PCDHA4: variants seen among roughly 807,000 people sequenced by gnomAD.
PCDHA4 encodes protocadherin alpha-4.
A neutral mutation model predicts 61.4 loss-of-function variants in PCDHA4; 49 were observed. That is an observed-to-expected ratio of 0.80 (90% CI 0.63 to 1.01). The LOEUF (loss-of-function observed/expected upper bound fraction) is 1.01, where lower values mean the gene tolerates loss of function less well. PCDHA4 is among the 50% of genes least tolerant of loss of function. The pLI is 0.00. For missense variants in PCDHA4, 1,254 were observed against 1,235.8 expected, an observed-to-expected ratio of 1.01 and a Z score of -0.22; for synonymous variants, 590 against 550.3, an observed-to-expected ratio of 1.07 and a Z score of -1.01.
At chr5:140,881,719 C>A (rs914788204) in intron 1 of PCDHA4, among the ~76,000 whole-genome samples, 3 of 152,104 alleles carry the variant, frequency 2.0e-5, no homozygotes, top group African/African-American at 7.2e-5. Context: ...GTGAGGAGGT[C>A]TTGAAAAATA....
chr5:140,857,555 C>G, intron 1 of PCDHA4: 1 of 1,597,062 alleles, frequency 6.3e-7, no homozygotes, highest in East Asian at 2.2e-5. Flanking sequence ...CGAGCGCTCG[C>G]TGTCGAGCTA....
chr5:140,869,106 G>A (rs1300691956), intron 1 of PCDHA4: 1 of 1,602,672 alleles, frequency 6.2e-7, no homozygotes, highest in Non-Finnish European at 8.5e-7. Flanking sequence ...CGTATGCGAT[G>A]TTTGGTTTTC....
chr5:140,834,367 C>T (rs2150215817), intron 1 of PCDHA4: 2 of 1,554,312 alleles, frequency 1.3e-6, no homozygotes, highest in Admixed American at 2.0e-5. Flanking sequence ...ACTAGAAAAA[C>T]AAGCCAATAA....
rs782750036 is a variant in PCDHA4, at chr5:140,809,552, A to G, written c.2365A>G (p.Thr789Ala). The G allele has an allele frequency of 1.4e-5, 22 of 1,611,538 alleles. No homozygotes were observed. In the South Asian group the frequency reaches 2.3e-4, roughly 17 times the overall value. The stretch of plus-strand genomic sequence containing the variant: ...GGACAGAGAAGATCAGCTGCAGACA[A>G]CTGAGGAATCCTTTGCAAAGGTTAG... ...SRDREDQLQTTEESFAKPRQP... is the reference protein window; with the variant it reads ...SRDREDQLQTAEESFAKPRQP... Residue 789 changes from threonine (T) to alanine (A), a missense_variant, in exon 1 of 4, where the codon ACT (threonine) becomes GCT (alanine). Coordinates refer to ENST00000530339, the MANE Select transcript of PCDHA4 (RefSeq NM_018907.4).
At chr5:140,846,369 C>CTTTTTTTTTTTTTTTTTT (rs797033964) in intron 1 of PCDHA4, among the ~76,000 whole-genome samples, 2 of 102,192 alleles carry the variant, frequency 2.0e-5, no homozygotes, top group South Asian at 3.3e-4. Flanking sequence ...TCTTTTCTTT[C>CTTTTTTTTTTTTTTTTTT]TTTCTTTTTT....
chr5:140,873,518 A>G (rs2054336624), intron 1 of PCDHA4, among the ~76,000 whole-genome samples: 1 of 152,200 alleles, frequency 6.6e-6, no homozygotes, highest in Non-Finnish European at 1.5e-5. Context: ...CTTAATGCCA[A>G]GATTGCATTC....
chr5:140,877,306 C>G (rs1554169576), intron 1 of PCDHA4: 1 of 1,613,826 alleles, frequency 6.2e-7, no homozygotes, highest in African/African-American at 1.3e-5. Context: ...CTACGAGTTG[C>G]AACCGGCGGC....
chr5:140,834,588 A>G (rs2150222080), intron 1 of PCDHA4: 1 of 1,614,122 alleles, frequency 6.2e-7, no homozygotes, highest in Non-Finnish European at 8.5e-7. Flanking sequence ...GGCGGTGTGC[A>G]AATTCCGTGG....
intron 1 of PCDHA4, among the ~76,000 whole-genome samples, chr5:140,921,611 A>C (rs781805165): frequency 6.6e-6 from 1 of 152,224 alleles, no homozygotes; most frequent in Non-Finnish European, 1.5e-5. Context: ...AATAAGAAAA[A>C]TATCATCAGA....
chr5:140,852,883 G>GT, intron 1 of PCDHA4: 1 of 933,168 alleles, frequency 1.1e-6, no homozygotes, highest in Non-Finnish European at 1.3e-6. Context: ...ATCATAAAAC[G>GT]TATTTTTTTT....
rs781965106 is a variant in PCDHA4 at position 140,882,419 on chromosome 5, G to A, written c.2385+72847G>A. 8.7e-6 allele frequency: 14 copies of A among 1,613,992 alleles called. No homozygotes were observed. The African/African-American group carries it at 1.5e-4, about 17-fold the overall frequency. ...CACCTTCGTGGGCCGCATCGCTCAG[G>A]ACCTGGGGCTGGAGCTGGCGGAGCT... On this transcript the variant is annotated intron_variant, in intron 1 of 3. Transcript: ENST00000530339.
chr5:140,988,558 T>C lies in PCDHA4; in HGVS notation c.2533+5995T>C, dbSNP rs982984587. ...CCATTCATGACTTTCTTCATCTTCT[T>C]CTTGGGAAAACACTCTGTACCTTCC... On this transcript the variant is annotated intron_variant, in intron 3 of 3. Transcript: ENST00000530339. 3.9e-5 allele frequency among the ~76,000 whole-genome samples: 6 copies of C among 152,198 alleles called. 1 individual carries two copies. Among genetic ancestry groups the C allele is most frequent in the Admixed American group, 3.9e-4 (6 of 15,276 alleles).
At chr5:140,877,708 G>A in intron 1 of PCDHA4, 12 of 1,614,072 alleles carry the variant, frequency 7.4e-6, no homozygotes, top group Non-Finnish European at 1.0e-5. Flanking sequence ...CAGCGCCGTG[G>A]GGAGTTGGTC....
chr5:140,965,700 C>CT (rs1554227802), intron 1 of PCDHA4, among the ~76,000 whole-genome samples: 1 of 152,162 alleles, frequency 6.6e-6, no homozygotes, highest in East Asian at 1.9e-4. Flanking sequence ...TTAGAAAAAG[C>CT]TTGAGAGAAG....
At chr5:140,967,560 A>C (rs2096156699) in intron 1 of PCDHA4, 2 of 1,613,966 alleles carry the variant, frequency 1.2e-6, no homozygotes, top group Non-Finnish European at 1.7e-6. Context: ...TATCGCGTCC[A>C]GCTACGGGAG....
rs1422788962 is a variant in PCDHA4, at chr5:140,847,584, A to G, written c.2385+38012A>G. ...GCCCCGAGTACTAAGGATGAGCAAT[A>G]ATGAAATTAAAACATATTGTAATAA... On this transcript the variant is annotated intron_variant, in intron 1 of 3. Coordinates refer to ENST00000530339, the MANE Select transcript of PCDHA4 (RefSeq NM_018907.4). The G allele has an allele frequency of 1.1e-4, 16 of 149,668 alleles. No homozygotes were observed. In the Admixed American group the frequency reaches 1.1e-3, roughly 10 times the overall value. 9.3% of individuals were successfully genotyped at this position (149,668 alleles called of 1,614,324 possible).
chr5:140,827,993 G>A (rs1554130961), intron 1 of PCDHA4: 2 of 1,474,758 alleles, frequency 1.4e-6, no homozygotes, highest in Non-Finnish European at 1.8e-6. Flanking sequence ...TTGAATGATG[G>A]CGGACGCAGA....
intron 1 of PCDHA4, among the ~76,000 whole-genome samples, chr5:140,925,337 A>G (rs2082438861): frequency 6.6e-6 from 1 of 152,072 alleles, no homozygotes; most frequent in South Asian, 2.1e-4. Flanking sequence ...TAAAAGAAGG[A>G]TTTGAGTGAG....
At chr5:140,917,598 G>A (rs2078274580) in intron 1 of PCDHA4, among the ~76,000 whole-genome samples, 1 of 152,174 alleles carries the variant, frequency 6.6e-6, no homozygotes, top group Non-Finnish European at 1.5e-5. Flanking sequence ...TGAAAGGAAG[G>A]GGTCCAGTTT....
Sources: gnomAD v4.1 joint callset for allele counts (sites outside exome capture counted in the v4.1 genomes callset) on GRCh38, gnomAD v4.1.1 for gene constraint, MANE v1.5 for transcripts, NCBI Gene and HGNC (gene_info 2026-07-23, HGNC 2026-07-21) for gene names.